Variants in NCOA1 observed in about 807,000 individuals in gnomAD.
NCOA1 encodes the protein Hin-2 protein.
Under a neutral mutation model 150.9 loss-of-function variants are expected in NCOA1, and 35 were observed. That is an observed-to-expected ratio of 0.23 (90% CI 0.18 to 0.31). The LOEUF (loss-of-function observed/expected upper bound fraction) is 0.31. Among genes scored for constraint, NCOA1 ranks in the 10% least tolerant of loss-of-function variants. NCOA1 has a pLI of 1.00. For missense variants in NCOA1, 1,491 were observed against 1,749.3 expected, an observed-to-expected ratio of 0.85 and a Z score of 2.63; for synonymous variants, 590 against 630.0, an observed-to-expected ratio of 0.94 and a Z score of 0.95.
intron 3 of NCOA1, among the ~76,000 whole-genome samples, chr2:24,590,778 C>A (rs982940065): frequency 6.6e-6 from 1 of 152,180 alleles, no homozygotes; most frequent in Non-Finnish European, 1.5e-5. Flanking sequence ...TAGTGCCCAA[C>A]AAATTCCTGC....
chr2:24,628,369 A>G (rs1558853291), intron 3 of NCOA1, among the ~76,000 whole-genome samples: 1 of 151,786 alleles, frequency 6.6e-6, no homozygotes, highest in Non-Finnish European at 1.5e-5. Flanking sequence ...ATGGGTTTGT[A>G]TAGAAAAATG....
At chr2:24,713,372 CCCAACACAAATGGAAAAAA>C (rs752638890) in intron 14 of NCOA1, among the ~76,000 whole-genome samples, 39 of 151,850 alleles carry the variant, frequency 2.6e-4, no homozygotes, top group Non-Finnish European at 5.6e-4. Context: ...TCAACAAGTA[CCCAACACAAATGGAAAAAA>C]AAAGTACTTG....
Position 24,757,026 on chromosome 2 carries a change from A to G in NCOA1, c.3882-947A>G, listed in dbSNP as rs1479176198. 4.6e-5 allele frequency among the ~76,000 whole-genome samples: 7 copies of G among 152,220 alleles called. No individual in the cohort carries two copies. In the South Asian group the frequency reaches 6.2e-4, roughly 14 times the overall value. The stretch of plus-strand genomic sequence containing the variant: ...TTTAAAAGGATTAAATTTGCCACCT[A>G]AAAACATTTGGTTGTATACATCTGG... On this transcript the variant is annotated intron_variant, in intron 20 of 22. Transcript: ENST00000348332.
intron 7 of NCOA1, among the ~76,000 whole-genome samples, chr2:24,681,063 T>TAAAA (rs70947836): frequency 5.5e-5 from 8 of 144,726 alleles, no homozygotes; most frequent in South Asian, 2.2e-4. Flanking sequence ...CATTTTCACA[T>TAAAA]AAAAAAAAAA....
At chr2:24,729,923 G>C in intron 17 of NCOA1, 108 bp downstream of exon 17, 1 of 1,182,264 alleles carries the variant, frequency 8.5e-7, no homozygotes, top group Non-Finnish European at 1.2e-6. Flanking sequence ...TCAGCCCACT[G>C]CAACCGCCGC....
chr2:24,640,209 C>T (rs1420602100), intron 3 of NCOA1, among the ~76,000 whole-genome samples: 3 of 151,516 alleles, frequency 2.0e-5, no homozygotes, highest in Non-Finnish European at 4.4e-5. Context: ...TCTTTAGAAA[C>T]GTGTTATATA....
At chr2:24,649,300 G>T (rs747876002) in intron 4 of NCOA1, among the ~76,000 whole-genome samples, 13 of 152,204 alleles carry the variant, frequency 8.5e-5, no homozygotes, top group Non-Finnish European at 1.2e-4. Flanking sequence ...CTTTTTTAAG[G>T]CTGCTTCTGC....
intron 11 of NCOA1, among the ~76,000 whole-genome samples, chr2:24,700,631 T>C (rs1411003076): frequency 6.6e-6 from 1 of 152,208 alleles, no homozygotes. Context: ...TCAGGATCAC[T>C]TGAGGAACTT....
At chr2:24,632,399 C>T (rs1372946591) in intron 3 of NCOA1, among the ~76,000 whole-genome samples, 1 of 152,222 alleles carries the variant, frequency 6.6e-6, no homozygotes, top group Non-Finnish European at 1.5e-5. Flanking sequence ...CCACTAGATG[C>T]ACTGATATCC....
intron 2 of NCOA1, among the ~76,000 whole-genome samples, chr2:24,569,552 ATTTTTTTTTTTT>A (rs200639064): frequency 1.1e-5 from 1 of 93,792 alleles, no homozygotes; most frequent in African/African-American, 4.0e-5. Flanking sequence ...GGTTTTATTA[ATTTTTTTTTTTT>A]TTTTTTTTTT....
At chr2:24,611,096 G>T (rs563098855) in intron 3 of NCOA1, among the ~76,000 whole-genome samples, 1 of 152,026 alleles carries the variant, frequency 6.6e-6, no homozygotes, top group Non-Finnish European at 1.5e-5. Context: ...TTTAACCCTT[G>T]CTCCCATCTC....
chr2:24,632,284 C>G (rs555336901), intron 3 of NCOA1, among the ~76,000 whole-genome samples: 1 of 152,122 alleles, frequency 6.6e-6, no homozygotes, highest in Non-Finnish European at 1.5e-5. Flanking sequence ...TGGACTGATA[C>G]TGGTGAATCT....
chr2:24,640,413 A>G (rs1402613782), intron 3 of NCOA1, among the ~76,000 whole-genome samples: 1 of 152,184 alleles, frequency 6.6e-6, no homozygotes, highest in East Asian at 1.9e-4. Flanking sequence ...TTATTGAGAG[A>G]GGAATGTTAA....
intron 1 of NCOA1, among the ~76,000 whole-genome samples, chr2:24,520,629 A>T (rs1382729338): frequency 6.6e-6 from 1 of 152,208 alleles, no homozygotes; most frequent in Non-Finnish European, 1.5e-5. Flanking sequence ...GGATCATAAG[A>T]TGCACAAGGA....
intron 3 of NCOA1, among the ~76,000 whole-genome samples, chr2:24,602,314 C>T (rs989437182): frequency 6.6e-5 from 10 of 152,158 alleles, no homozygotes; most frequent in African/African-American, 2.4e-4. Flanking sequence ...AGTTCTCCCA[C>T]CTCAGCCTCC....
chr2:24,533,743 T>C (rs1664997918), intron 1 of NCOA1, among the ~76,000 whole-genome samples: 1 of 152,176 alleles, frequency 6.6e-6, no homozygotes, highest in South Asian at 2.1e-4. Flanking sequence ...TGATGGATTA[T>C]GTTTATCATT....
At chr2:24,677,674 T>C (rs756414543) in intron 7 of NCOA1, among the ~76,000 whole-genome samples, 21 of 152,196 alleles carry the variant, frequency 1.4e-4, no homozygotes, top group African/African-American at 2.2e-4. Flanking sequence ...TCCACCCCGG[T>C]TGGCCTCCCA....
At chr2:24,675,790 CAGG>C (rs1671879880) in intron 7 of NCOA1, among the ~76,000 whole-genome samples, 1 of 152,138 alleles carries the variant, frequency 6.6e-6, no homozygotes, top group African/African-American at 2.4e-5. Flanking sequence ...GAGGCTGAGG[CAGG>C]AGAATCACGT....
intron 8 of NCOA1, among the ~76,000 whole-genome samples, chr2:24,687,909 C>T (rs1672483713): frequency 6.6e-6 from 1 of 152,218 alleles, no homozygotes; most frequent in South Asian, 2.1e-4. Context: ...TCCTGCCAGC[C>T]TCCACCCTCA....
Sources: gnomAD v4.1 joint callset for allele counts (sites outside exome capture counted in the v4.1 genomes callset) on GRCh38, gnomAD v4.1.1 for gene constraint, MANE v1.5 for transcripts, NCBI Gene and HGNC (gene_info 2026-07-23, HGNC 2026-07-21) for gene names.